The following NT5DC1 variants were observed in gnomAD, a reference collection of about 807,000 sequenced individuals.
NT5DC1 encodes the protein 5'-nucleotidase domain-containing protein 1.
NT5DC1 carries 42 observed loss-of-function variants against 59.4 expected under a neutral mutation model. The observed-to-expected ratio is 0.71, with a 90% confidence interval of 0.55 to 0.92. The LOEUF (loss-of-function observed/expected upper bound fraction) is 0.92. Among genes scored for constraint, NT5DC1 ranks in the 40% least tolerant of loss-of-function variants. NT5DC1 has a pLI of 0.00. For synonymous variants in NT5DC1, 172 were observed against 188.1 expected, an observed-to-expected ratio of 0.91 and a Z score of 0.70; for missense variants, 501 against 537.1, an observed-to-expected ratio of 0.93 and a Z score of 0.66.
In NT5DC1 at chr6:116,120,077, A is replaced by G. The variant is rs751369649; in HGVS notation, c.529+2132A>G. 4 of 1,613,254 alleles carry G rather than the reference A, an allele frequency of 2.5e-6. No individual in the cohort carries two copies. The highest frequency in any genetic ancestry group is 2.7e-5 in the African/African-American group (2 of 74,794). On this transcript the variant is annotated intron_variant, in intron 6 of 11. Transcript: ENST00000319550. ...TTAGATTAGCTCTGTGTGTACTCAC[A>G]TTGGAGCCACTAGGAATCCTGAGAA... is the stretch of plus-strand genomic sequence containing the variant.
intron 6 of NT5DC1, among the ~76,000 whole-genome samples, chr6:116,154,336 C>T (rs1043822628): frequency 1.3e-5 from 2 of 152,138 alleles, no homozygotes; most frequent in Non-Finnish European, 2.9e-5. Flanking sequence ...GGATTTCTTT[C>T]TGTTCCTGTA....
At chr6:116,117,199 A>G (rs17772211) in intron 5 of NT5DC1, among the ~76,000 whole-genome samples, 41,217 of 152,100 alleles carry the variant, frequency 0.27, 6,056 homozygotes, top group Middle Eastern at 0.35. Flanking sequence ...ATATAACACT[A>G]TGAATTTGCT....
intron 6 of NT5DC1, among the ~76,000 whole-genome samples, chr6:116,139,471 A>G (rs1335899550): frequency 6.6e-6 from 1 of 152,172 alleles, no homozygotes; most frequent in Non-Finnish European, 1.5e-5. Flanking sequence ...ATACCACAAA[A>G]TTCTTGTACA....
rs1015413692 is a variant in NT5DC1 at position 116,166,506 on chromosome 6, G to T, written c.529+48561G>T. 3.4e-4 allele frequency among the ~76,000 whole-genome samples: 52 copies of T among 152,198 alleles called. 1 individual carries two copies. Among genetic ancestry groups the T allele is most frequent in the Admixed American group, 3.4e-3 (52 of 15,290 alleles). Reference sequence around the variant, plus strand: ...ATTGGGAATAGTGGATATTTGACTAGTAATTGTGATGAATTGCTAGAGGCT... The same window carrying T: ...ATTGGGAATAGTGGATATTTGACTATTAATTGTGATGAATTGCTAGAGGCT... On this transcript the variant is annotated intron_variant, in intron 6 of 11. Transcript: ENST00000319550.
chr6:116,208,991 G>T (rs188237945), intron 6 of NT5DC1, among the ~76,000 whole-genome samples: 62 of 152,072 alleles, frequency 4.1e-4, no homozygotes, highest in African/African-American at 1.4e-3. Flanking sequence ...TCATTAGTTT[G>T]ATCACAAATC....
intron 6 of NT5DC1, chr6:116,120,074 C>G: frequency 6.2e-7 from 1 of 1,606,036 alleles, no homozygotes; most frequent in Non-Finnish European, 8.5e-7. Context: ...TGTGTGTACT[C>G]ACATTGGAGC....
At chr6:116,205,427 A>G (rs1028845216) in intron 6 of NT5DC1, among the ~76,000 whole-genome samples, 1 of 151,680 alleles carries the variant, frequency 6.6e-6, no homozygotes, top group Non-Finnish European at 1.5e-5. Flanking sequence ...TAATTTTAAA[A>G]TAACATTTAA....
intron 6 of NT5DC1, among the ~76,000 whole-genome samples, chr6:116,220,172 A>T (rs1208941226): frequency 7.3e-6 from 1 of 136,660 alleles, no homozygotes; most frequent in Non-Finnish European, 1.5e-5. Flanking sequence ...TTTTCCTAAC[A>T]ATTAGAGAAA....
rs552340651 is a variant in NT5DC1 at position 116,141,786 on chromosome 6, C to T, written c.529+23841C>T. On this transcript the variant is annotated intron_variant, in intron 6 of 11. Coordinates refer to ENST00000319550, the MANE Select transcript of NT5DC1 (RefSeq NM_152729.3). ...TTTTTTTTTTTGTTTTGGTTTCCAG[C>T]AGGAGAATGTTTCCAGTTGAGGATT... is the stretch of plus-strand genomic sequence containing the variant. Among the ~76,000 whole-genome samples the T allele has an allele frequency of 4.5e-4, 67 of 148,320 alleles. No individual in the cohort carries two copies. The South Asian group carries it at 0.014, about 31-fold the overall frequency.
At chr6:116,121,297 G>C (rs974840517) in intron 6 of NT5DC1, 3 of 1,613,972 alleles carry the variant, frequency 1.9e-6, no homozygotes, top group East Asian at 4.5e-5. Context: ...TCCCTGGCTG[G>C]CCTGGGGCTC....
chr6:116,114,527 A>C (rs1436497731), intron 4 of NT5DC1, among the ~76,000 whole-genome samples: 1 of 64,326 alleles, frequency 1.6e-5, no homozygotes, highest in Non-Finnish European at 2.8e-5. Flanking sequence ...TAGCTTGCAA[A>C]TTGGGGGGAG....
chr6:116,181,775 C>CTA (rs61556927), intron 6 of NT5DC1, among the ~76,000 whole-genome samples: 3,792 of 152,020 alleles, frequency 0.025, 143 homozygotes, highest in African/African-American at 0.086. Context: ...TAAATGGGAG[C>CTA]TATATTATGT....
intron 6 of NT5DC1, among the ~76,000 whole-genome samples, chr6:116,154,607 T>G (rs1164412260): frequency 6.6e-6 from 1 of 152,232 alleles, no homozygotes; most frequent in Non-Finnish European, 1.5e-5. Context: ...TAAAACAGTT[T>G]GAAAGTACAC....
chr6:116,178,082 TGTGTGTGCGCGCGCGCGCGCGTGCGTGC>T (rs1014878794), intron 6 of NT5DC1, among the ~76,000 whole-genome samples: 18 of 107,306 alleles, frequency 1.7e-4, no homozygotes, highest in African/African-American at 6.7e-4. Context: ...TGTGTGTGTG[TGTGTGTGCGCGCGCGCGCGCGTGCGTGC>T]GTGTGTGTGT....
intron 6 of NT5DC1, among the ~76,000 whole-genome samples, chr6:116,130,449 GT>G (rs34646840): frequency 6.6e-6 from 1 of 151,866 alleles, no homozygotes; most frequent in African/African-American, 2.4e-5. Flanking sequence ...GATCCCAGTA[GT>G]TTTTTTTATA....
chr6:116,112,969 A>G (rs909111151), intron 4 of NT5DC1, among the ~76,000 whole-genome samples: 6 of 152,234 alleles, frequency 3.9e-5, no homozygotes, highest in Non-Finnish European at 8.8e-5. Flanking sequence ...TAAAGCACTG[A>G]GGGATGTAGA....
chr6:116,150,033 A>G (rs918899815), intron 6 of NT5DC1, among the ~76,000 whole-genome samples: 2 of 152,164 alleles, frequency 1.3e-5, no homozygotes, highest in Middle Eastern at 3.2e-3. Context: ...AGCTGAGAGA[A>G]GGCTTGTGGG....
intron 8 of NT5DC1, among the ~76,000 whole-genome samples, chr6:116,223,463 A>G (rs1011311290): frequency 1.3e-5 from 2 of 152,236 alleles, no homozygotes; most frequent in African/African-American, 2.4e-5. Context: ...TGTGGAACAC[A>G]TGAGGATCAT....
At chr6:116,240,481 A>C (rs2114564269) in intron 11 of NT5DC1, among the ~76,000 whole-genome samples, 1 of 152,326 alleles carries the variant, frequency 6.6e-6, no homozygotes, top group African/African-American at 2.4e-5. Context: ...GAGCATGCAC[A>C]GGCTTTGGTA....
Sources: allele counts gnomAD v4.1 joint callset (sites outside exome capture counted in the v4.1 genomes callset), GRCh38; gene constraint gnomAD v4.1.1; transcripts MANE v1.5; gene names NCBI Gene and HGNC (gene_info 2026-07-23, HGNC 2026-07-21).